The following MACF1 variants were observed in gnomAD, a reference collection of about 807,000 sequenced individuals.
MACF1 encodes the protein microtubule actin crosslinking factor 1.
In MACF1, 193 loss-of-function variants were observed where a neutral mutation model predicts 854.8. That is an observed-to-expected ratio of 0.23 (90% CI 0.20 to 0.25). MACF1 has a LOEUF of 0.25. MACF1 is among the 10% of genes least tolerant of loss of function. The pLI, the probability that MACF1 is intolerant of heterozygous loss-of-function variation, is 1.00. For synonymous variants in MACF1, 3,185 were observed against 3,226.7 expected, an observed-to-expected ratio of 0.99 and a Z score of 0.44; for missense variants, 7,722 against 8,929.1, an observed-to-expected ratio of 0.86 and a Z score of 5.45.
intron 40 of MACF1, among the ~76,000 whole-genome samples, chr1:39,344,151 C>T (rs1037760043): frequency 5.3e-5 from 8 of 150,456 alleles, no homozygotes; most frequent in African/African-American, 9.8e-5. Flanking sequence ...TAGGGCCAGG[C>T]GTGGTGGCTC....
chr1:39,448,553 C>CTT, intron 83 of MACF1, 41 bp from the exon 84 acceptor site: 2 of 1,440,268 alleles, frequency 1.4e-6, no homozygotes, highest in South Asian at 1.6e-5. Flanking sequence ...AAGATGTCGT[C>CTT]TGACTTTTAA....
rs779457889 is a variant in MACF1, at chr1:39,387,427, T to C, written c.14585T>C (p.Leu4862Pro). ...VIVAEGESLLLSVPPGEEKRT... is the reference protein window; with the variant it reads ...VIVAEGESLLPSVPPGEEKRT... ...GTGGCTGAAGGGGAATCTCTACTTC[T>C]TTCTGTACCTCCTGGAGAAGAGAAA... Residue 4862 changes from leucine to proline, a missense_variant, in exon 58 of 101, where the codon CTT becomes CCT. Transcript: ENST00000564288. 3 of 1,614,218 alleles carry C rather than the reference T, an allele frequency of 1.9e-6. No individual in the cohort carries two copies. In the South Asian group the frequency reaches 3.3e-5, roughly 18 times the overall value.
Position 39,397,328 on chromosome 1 carries a change from G to A in MACF1, c.15816+8670G>A, listed in dbSNP as rs138072528. ...TGTCATCTCAGCACTTTGGGAGGCC[G>A]AGGTGGGTGGATCACCTGAGGTCAG... On this transcript the variant is annotated intron_variant, in intron 58 of 100. Transcript: ENST00000564288. Among the ~76,000 whole-genome samples, 1,369 of 152,242 alleles carry A rather than the reference G, an allele frequency of 9.0e-3. 12 individuals are homozygous for A. Among genetic ancestry groups the A allele is most frequent in the Non-Finnish European group, 0.014 (962 of 68,014 alleles).
At chr1:39,244,422 C>T (rs1189878407) in intron 2 of MACF1, among the ~76,000 whole-genome samples, 1 of 152,008 alleles carries the variant, frequency 6.6e-6, no homozygotes, top group Non-Finnish European at 1.5e-5. Context: ...GCTGGGATTA[C>T]AGGTGCCTGC....
chr1:39,484,978 T>A (rs1645077606), intron 100 of MACF1: 1 of 559,122 alleles, frequency 1.8e-6, no homozygotes, highest in Admixed American at 3.3e-5. Flanking sequence ...TCAGAAATGA[T>A]CACATTTGAG....
At chr1:39,326,877 AAGGT>A (rs1374622098) in intron 35 of MACF1, among the ~76,000 whole-genome samples, 2 of 152,122 alleles carry the variant, frequency 1.3e-5, no homozygotes, top group African/African-American at 4.8e-5. Flanking sequence ...ATAAAACTGA[AAGGT>A]AGAGTTATAA....
At chr1:39,187,531 T>C (rs914005370) in intron 2 of MACF1, among the ~76,000 whole-genome samples, 2 of 152,296 alleles carry the variant, frequency 1.3e-5, no homozygotes, top group African/African-American at 4.8e-5. Context: ...TGATGTCGTA[T>C]TTCATGATGT....
chr1:39,173,927 CTCTT>C (rs1488910686), intron 2 of MACF1, among the ~76,000 whole-genome samples: 1 of 152,040 alleles, frequency 6.6e-6, no homozygotes, highest in African/African-American at 2.4e-5. Context: ...TTTTCTCTCT[CTCTT>C]TTTTTTTTCT....
chr1:39,390,884 G>A (rs1439870154), intron 58 of MACF1, among the ~76,000 whole-genome samples: 4 of 152,168 alleles, frequency 2.6e-5, no homozygotes, highest in Non-Finnish European at 5.9e-5. Context: ...GAGGCGGGTG[G>A]ATCACGAGGT....
rs1227092353 is a variant in MACF1 at position 39,387,838 on chromosome 1, A to G, written c.14996A>G (p.Gln4999Arg). 1 of 1,614,160 alleles carries G rather than the reference A, an allele frequency of 6.2e-7. No individual in the cohort carries two copies. The highest frequency in any genetic ancestry group is 8.5e-7 in the Non-Finnish European group (1 of 1,180,036). ...ATGGATGCTGTTACAGAAGAGCTGC[A>G]GGCCAAAACAGGGTCACTCGAAGAA... ...QNMDAVTEELQAKTGSLEEMT... is the reference protein window; with the variant it reads ...QNMDAVTEELRAKTGSLEEMT... Residue 4999 changes from glutamine to arginine, a missense_variant, in exon 58 of 101, where the codon CAG (glutamine) becomes CGG (arginine). This residue lies in a region of MACF1 where 2,807 missense variants were observed against 3,235.8 expected (regional missense o/e 0.87). Coordinates refer to ENST00000564288, the MANE Select transcript of MACF1 (RefSeq NM_001394062.1).
chr1:39,459,159 C>T lies in MACF1; in HGVS notation c.21270C>T (p.Ile7090=). ...LSQSEAKNPR[I]NQLSARWQQV... ...AGTCTGAAGCAAAAAACCCACGGAT[C>T]AACCAGCTTTCTGCCCGCTGGCAGC... Residue 7090 remains isoleucine (I), a synonymous_variant, in exon 91 of 101, where the codon ATC becomes ATT. Transcript: ENST00000564288. 1 of 1,614,170 alleles carries T rather than the reference C, an allele frequency of 6.2e-7. No individual in the cohort carries two copies. The highest frequency in any genetic ancestry group is 1.1e-5 in the South Asian group (1 of 91,080).
At chr1:39,190,422 T>TTTTTTTTTTTTTTAC (rs1644240921) in intron 2 of MACF1, among the ~76,000 whole-genome samples, 1 of 111,670 alleles carries the variant, frequency 9.0e-6, no homozygotes, top group Admixed American at 1.1e-4. Context: ...TTTTTTTTGA[T>TTTTTTTTTTTTTTAC]GGAATCTTGC....
At chr1:39,393,960 A>G (rs910352812) in intron 58 of MACF1, among the ~76,000 whole-genome samples, 6 of 152,152 alleles carry the variant, frequency 3.9e-5, no homozygotes, top group African/African-American at 1.2e-4. Flanking sequence ...AAATTGACTG[A>G]CAGACCTCTT....
chr1:39,419,798 AGTGTGTGTGTGT>A (rs3080664), intron 58 of MACF1, among the ~76,000 whole-genome samples: 69 of 131,054 alleles, frequency 5.3e-4, no homozygotes, highest in African/African-American at 1.2e-3. Context: ...ATGCCTGGCT[AGTGTGTGTGTGT>A]GTGTGTGTGT....
At position 39,424,126 on chromosome 1, in the gene MACF1, G is replaced by C; in HGVS notation, c.16248G>C (p.Glu5416Asp). 5.6e-6 allele frequency: 9 copies of C among 1,613,396 alleles called. No individual in the cohort carries two copies. The highest frequency in any genetic ancestry group is 7.6e-6 in the Non-Finnish European group (9 of 1,179,902). Residue 5416 changes from glutamate (E) to aspartate (D), a missense_variant, in exon 61 of 101, where the codon GAG becomes GAC. Coordinates refer to ENST00000564288, the MANE Select transcript of MACF1 (RefSeq NM_001394062.1). ...IAQSAELADR[E>D]KITGQLESLE... Reference sequence around the variant, plus strand: ...AGTCAGCAGAGCTGGCTGATAGAGAGAAAATCACTGGACAGCTGGAGAGTC... The same window carrying C: ...AGTCAGCAGAGCTGGCTGATAGAGACAAAATCACTGGACAGCTGGAGAGTC...
intron 97 of MACF1, among the ~76,000 whole-genome samples, chr1:39,479,033 A>G (rs1644964846): frequency 6.6e-6 from 1 of 152,156 alleles, no homozygotes; most frequent in African/African-American, 2.4e-5. Flanking sequence ...CTTCCTATGG[A>G]ATCCACATTT....
intron 22 of MACF1, among the ~76,000 whole-genome samples, chr1:39,302,058 C>T (rs1557574770): frequency 6.6e-6 from 1 of 152,088 alleles, no homozygotes; most frequent in South Asian, 2.1e-4. Context: ...TGCAGTGGCA[C>T]TATCATGGCT....
chr1:39,465,221 C>G lies in MACF1; in HGVS notation c.21771+109C>G. ...GATGTAATCTGAAGCATGCCTGGGT[C>G]GCACCTGGTTGTCTTACCAAGTGGA... On this transcript the variant is annotated intron_variant, in intron 95 of 100. Transcript: ENST00000564288. 3 of 1,124,644 alleles carry G rather than the reference C, an allele frequency of 2.7e-6. 1 individual carries two copies. The highest frequency in any genetic ancestry group is 4.1e-6 in the Non-Finnish European group (3 of 736,804). The allele number at this position is 1,124,644 out of a possible 1,614,324, so 69.7% of individuals were successfully genotyped here.
intron 2 of MACF1, among the ~76,000 whole-genome samples, chr1:39,125,650 A>G (rs543240342): frequency 6.6e-6 from 1 of 152,330 alleles, no homozygotes; most frequent in Non-Finnish European, 1.5e-5. Flanking sequence ...AAGTGTGCAT[A>G]TAGCCAGGTC....
Sources: allele counts gnomAD v4.1 joint callset (sites outside exome capture counted in the v4.1 genomes callset), GRCh38; gene constraint gnomAD v4.1.1; regional missense constraint gnomAD v4.1.1; transcripts MANE v1.5; gene names NCBI Gene and HGNC (gene_info 2026-07-23, HGNC 2026-07-21).